The following ABHD16A variants were observed in gnomAD, a reference collection of about 807,000 sequenced individuals.
The protein encoded by ABHD16A is phosphatidylserine lipase ABHD16A.
ABHD16A carries 47 observed loss-of-function variants against 89.8 expected under a neutral mutation model. The observed-to-expected ratio is 0.52, with a 90% CI of 0.41 to 0.67. The LOEUF (loss-of-function observed/expected upper bound fraction) is 0.67. Ranked by LOEUF, ABHD16A falls within the 30% of genes least tolerant of loss-of-function variation. The pLI is 0.00. For synonymous variants in ABHD16A, 251 were observed against 280.4 expected (o/e 0.90, Z 1.05); for missense variants, 580 against 734.6 (o/e 0.79, Z 2.43).
chr6:31,689,521 C>A (rs376061336), intron 12 of ABHD16A, 60 bp downstream of exon 12: 5 of 1,474,980 alleles, frequency 3.4e-6, no homozygotes, highest in Non-Finnish European at 4.5e-6. Context: ...CCACCTCTCC[C>A]GGGTGGGGCT....
chr6:31,688,950 T>G lies in ABHD16A; in HGVS notation c.1186+65A>C, dbSNP rs898278382. The G allele has an allele frequency of 2.6e-6, 4 of 1,510,222 alleles. No homozygotes were observed. In the Admixed American group the frequency reaches 7.6e-5, roughly 29 times the overall value. 93.6% of individuals were successfully genotyped at this position (1,510,222 alleles called of 1,614,324 possible). Reference sequence around the variant, plus strand: ...CCCCACCCAAGAAAAGGGAGCCATCTCAGAACAGTTCCCAGTTCCAGCCCA... The same window carrying G: ...CCCCACCCAAGAAAAGGGAGCCATCGCAGAACAGTTCCCAGTTCCAGCCCA... On this transcript the variant is annotated intron_variant, in intron 13 of 19. Coordinates refer to ENST00000395952, the MANE Select transcript of ABHD16A (RefSeq NM_021160.3). The surrounding 1 kb of genome is among the most constrained non-coding windows in gnomAD (Gnocchi z 4.9).
rs1312410484 is a variant in ABHD16A, at chr6:31,690,533, T to A, written c.907+6A>T. 1 of 1,612,812 alleles carries A rather than the reference T, an allele frequency of 6.2e-7. No individual in the cohort carries two copies. The highest frequency in any genetic ancestry group is 1.1e-5 in the South Asian group (1 of 91,070). ...CGGAGATAAGGAGGCTGAGTCACCG[T>A]CCTACCTTCCAGGGGCGTGGAGACG... On this transcript the variant is annotated splice_donor_region_variant and intron_variant, in intron 10 of 19. Transcript: ENST00000395952. The surrounding 1 kb of genome is among the most constrained non-coding windows in gnomAD (Gnocchi z 4.1).
At chr6:31,691,984 C>A in intron 7 of ABHD16A, 66 bp from the exon 8 acceptor site, 1 of 1,293,734 alleles carries the variant, frequency 7.7e-7, no homozygotes, top group South Asian at 1.4e-5. Flanking sequence ...TGGGGACCAT[C>A]CCAGCCCTAG....
rs1803466999 is a variant in ABHD16A, at chr6:31,687,978, T to C, written c.1370+63A>G. ...CCCTGAACCTTCCTCCCTCCTTCCC[T>C]GTGCTGGTATCAGTATCTGTGTGTG... On this transcript the variant is annotated intron_variant, in intron 16 of 19. Coordinates refer to ENST00000395952, the MANE Select transcript of ABHD16A (RefSeq NM_021160.3). This position sits in a 1 kb window ranked among gnomAD's most constrained non-coding sequence, Gnocchi z 6.3. The C allele has an allele frequency of 4.3e-6, 7 of 1,612,230 alleles. No individual in the cohort carries two copies. The highest frequency in any genetic ancestry group is 5.9e-6 in the Non-Finnish European group (7 of 1,179,472).
In ABHD16A at chr6:31,688,301, G is replaced by T. The variant is rs955121480; in HGVS notation, c.1255C>A (p.Gln419Lys). The T allele has an allele frequency of 6.2e-7, 1 of 1,614,012 alleles. No homozygotes were observed. The highest frequency in any genetic ancestry group is 1.3e-5 in the African/African-American group (1 of 75,010). The change falls in exon 15 of 20, where the codon CAG (glutamine) becomes AAG (lysine). Residue 419 changes from glutamine to lysine, a missense_variant. This residue lies in a region of ABHD16A where 415 missense variants were observed against 568.8 expected (regional missense o/e 0.73). Coordinates refer to ENST00000395952, the MANE Select transcript of ABHD16A (RefSeq NM_021160.3). The surrounding 1 kb of genome is among the most constrained non-coding windows in gnomAD (Gnocchi z 4.9). Reference protein sequence around the residue: ...LNNAEQLCRYQGPVLLIRRTK... With the variant: ...LNNAEQLCRYKGPVLLIRRTK... ...CTCCGGATCAGCAGTACAGGACCCTGGTATCTTCAGAGAACAGAGCAGTGG... is the reference window on the plus strand; with the variant it reads ...CTCCGGATCAGCAGTACAGGACCCTTGTATCTTCAGAGAACAGAGCAGTGG...
rs1019732546 is a variant in ABHD16A, at chr6:31,698,452, T to C, written c.344-1419A>G. ...TATACATCAAAAAATTTAAAAAGGCTTTTATATTTTGTTCTCTGGACTTTT... is the reference window on the plus strand; with the variant it reads ...TATACATCAAAAAATTTAAAAAGGCCTTTATATTTTGTTCTCTGGACTTTT... On this transcript the variant is annotated intron_variant, in intron 4 of 19. Coordinates refer to ENST00000395952, the MANE Select transcript of ABHD16A (RefSeq NM_021160.3). The surrounding 1 kb of genome is among the most constrained non-coding windows in gnomAD (Gnocchi z 4.1). 6.6e-6 allele frequency among the ~76,000 whole-genome samples: 1 copy of C among 151,408 alleles called. No homozygotes were observed. Among genetic ancestry groups the C allele is most frequent in the Non-Finnish European group, 1.5e-5 (1 of 67,926 alleles).
chr6:31,690,374 G>T lies in ABHD16A; in HGVS notation c.907+165C>A. ...AGCTAGGGACACAGGCCAGGGGAGGGATGTAAGGTTATCAAAGCAAATGGC... is the reference window on the plus strand; with the variant it reads ...AGCTAGGGACACAGGCCAGGGGAGGTATGTAAGGTTATCAAAGCAAATGGC... On this transcript the variant is annotated intron_variant, in intron 10 of 19. Transcript: ENST00000395952. This position sits in a 1 kb window ranked among gnomAD's most constrained non-coding sequence, Gnocchi z 4.1. The T allele has an allele frequency of 1.3e-6, 1 of 768,900 alleles. No individual in the cohort carries two copies. Among genetic ancestry groups the T allele is most frequent in the Non-Finnish European group, 2.2e-6 (1 of 453,670 alleles). 47.6% of individuals were successfully genotyped at this position (768,900 alleles called of 1,614,324 possible).
intron 3 of ABHD16A, 42 bp downstream of exon 3, chr6:31,701,232 C>G: frequency 2.5e-6 from 4 of 1,577,536 alleles, no homozygotes; most frequent in Non-Finnish European, 3.5e-6. Flanking sequence ...CTGCCAACAA[C>G]CTGCCCATTT....
chr6:31,688,204 G>A lies in ABHD16A; in HGVS notation c.1307+45C>T. ...GCAGAGGTAGAAGGGACAAGTTCCT[G>A]GCCATCTCTGGGGTTCCTGAGGGCC... On this transcript the variant is annotated intron_variant, in intron 15 of 19. Coordinates refer to ENST00000395952, the MANE Select transcript of ABHD16A (RefSeq NM_021160.3). This position sits in a 1 kb window ranked among gnomAD's most constrained non-coding sequence, Gnocchi z 4.9. 6.2e-7 allele frequency: 1 copy of A among 1,609,622 alleles called. No individual in the cohort carries two copies.
intron 5 of ABHD16A, among the ~76,000 whole-genome samples, chr6:31,694,812 CAGAG>C (rs1318888116): frequency 2.6e-5 from 4 of 152,018 alleles, no homozygotes; most frequent in Admixed American, 6.6e-5. Flanking sequence ...ATTTGACTAA[CAGAG>C]AGCAATAGAA....
In ABHD16A at chr6:31,702,727, G is replaced by C. The variant is rs1177973118; in HGVS notation, c.132+423C>G. ...TGTAAAAGTCATTCTGAAATTCAAG[G>C]CGAGGGTAAAGGGAAGATAAAAACA... On this transcript the variant is annotated intron_variant, in intron 1 of 19. Coordinates refer to ENST00000395952, the MANE Select transcript of ABHD16A (RefSeq NM_021160.3). 1.9e-6 allele frequency: 3 copies of C among 1,544,038 alleles called. No individual in the cohort carries two copies. The African/African-American group carries it at 4.1e-5, about 21-fold the overall frequency.
In ABHD16A at chr6:31,696,633, C is replaced by CA. The variant is rs370598776; in HGVS notation, c.429+314dup. ...GGGCAACAAGAGCGAAACTCCATCTCAAAAAAAAAAAAAGAAAAAGAAAAA... is the reference window on the plus strand; with the variant it reads ...GGGCAACAAGAGCGAAACTCCATCTCAAAAAAAAAAAAAAGAAAAAGAAAAA... On this transcript the variant is annotated intron_variant, in intron 5 of 19. Transcript: ENST00000395952. 1.9e-3 allele frequency among the ~76,000 whole-genome samples: 200 copies of CA among 103,242 alleles called. 1 individual carries two copies. Among genetic ancestry groups the CA allele is most frequent in the Admixed American group, 5.6e-3 (53 of 9,452 alleles). The allele number at this position is 103,242 out of a possible 152,430, so 67.7% of individuals were successfully genotyped here.
chr6:31,703,281 TGGCCCC>T lies in ABHD16A; in HGVS notation c.-6_-1del, dbSNP rs1805210799. ...AGGACGCAGCTCAGCAGCTTCGCCA[TGGCCCC>T]GGCTCGGGCCGCTGCTCTTCCAGCA... On this transcript the variant is annotated 5_prime_UTR_variant, in exon 1 of 20. Transcript: ENST00000395952. 2 of 1,349,126 alleles carry T rather than the reference TGGCCCC, an allele frequency of 1.5e-6. No homozygotes were observed. Among genetic ancestry groups the T allele is most frequent in the African/African-American group, 3.0e-5 (2 of 66,530 alleles). 83.6% of individuals were successfully genotyped at this position (1,349,126 alleles called of 1,614,324 possible).
At chr6:31,692,526 C>T (rs1299096501) in intron 7 of ABHD16A, among the ~76,000 whole-genome samples, 1 of 152,176 alleles carries the variant, frequency 6.6e-6, no homozygotes, top group Admixed American at 6.5e-5. Context: ...TTGGGATTTA[C>T]CATGTGCTCT....
At position 31,687,312 on chromosome 6, in the gene ABHD16A, G is replaced by A; in HGVS notation, c.1594-17C>T. ...CTTCCGAGCCTGAGGAAAGGAGGTG[G>A]GACAGGTGGGGTACAGAGCACTGTT... is the stretch of plus-strand genomic sequence containing the variant. On this transcript the variant is annotated splice_polypyrimidine_tract_variant and intron_variant, in intron 19 of 19. Transcript: ENST00000395952. This position sits in a 1 kb window ranked among gnomAD's most constrained non-coding sequence, Gnocchi z 6.3. The A allele has an allele frequency of 1.9e-6, 3 of 1,612,204 alleles. No homozygotes were observed. The highest frequency in any genetic ancestry group is 1.1e-5 in the South Asian group (1 of 91,048).
intron 12 of ABHD16A, 119 bp from the exon 13 acceptor site, chr6:31,689,238 T>A (rs1562095078): frequency 1.0e-6 from 1 of 960,514 alleles, no homozygotes; most frequent in East Asian, 2.6e-5. Flanking sequence ...TTATCCCTTG[T>A]TTTTTTCTTA....
Position 31,688,117 on chromosome 6 carries a change from G to T in ABHD16A, c.1308-14C>A. The T allele has an allele frequency of 6.2e-7, 1 of 1,610,746 alleles. No individual in the cohort carries two copies. The highest frequency in any genetic ancestry group is 8.5e-7 in the Non-Finnish European group (1 of 1,177,942). On this transcript the variant is annotated splice_polypyrimidine_tract_variant and intron_variant, in intron 15 of 19. Coordinates refer to ENST00000395952, the MANE Select transcript of ABHD16A (RefSeq NM_021160.3). This position sits in a 1 kb window ranked among gnomAD's most constrained non-coding sequence, Gnocchi z 4.9. ...TCCTCAGGAACCCTGGGGGTGAGAAGAATGTACCCTGGAGGGGCTGGAGGT... is the reference window on the plus strand; with the variant it reads ...TCCTCAGGAACCCTGGGGGTGAGAATAATGTACCCTGGAGGGGCTGGAGGT...
At position 31,688,673 on chromosome 6, in the gene ABHD16A, G is replaced by C; in HGVS notation, c.1250+50C>G. 6.2e-7 allele frequency: 1 copy of C among 1,602,330 alleles called. No homozygotes were observed. Among genetic ancestry groups the C allele is most frequent in the South Asian group, 1.1e-5 (1 of 90,830 alleles). ...AGTTTCAGGGTTTGAGCGCCCAGCA[G>C]AGCTGTATGGGGGGCAGGTGTTCAA... On this transcript the variant is annotated intron_variant, in intron 14 of 19. Coordinates refer to ENST00000395952, the MANE Select transcript of ABHD16A (RefSeq NM_021160.3). This position sits in a 1 kb window ranked among gnomAD's most constrained non-coding sequence, Gnocchi z 4.9.
chr6:31,690,466 G>A lies in ABHD16A; in HGVS notation c.907+73C>T. ...CCAGAGAAAGCAGAGGCCAGGGGAG[G>A]TCAGGTCAGTGTGGGAGGCAGGGAC... On this transcript the variant is annotated intron_variant, in intron 10 of 19. Transcript: ENST00000395952. The surrounding 1 kb of genome is among the most constrained non-coding windows in gnomAD (Gnocchi z 4.1). 6.6e-7 allele frequency: 1 copy of A among 1,516,796 alleles called. No homozygotes were observed. Among genetic ancestry groups the A allele is most frequent in the Non-Finnish European group, 9.2e-7 (1 of 1,092,680 alleles). 94.0% of individuals were successfully genotyped at this position (1,516,796 alleles called of 1,614,324 possible). A position where few individuals can be genotyped will look rare whatever the true frequency, so the allele number is the denominator to read the frequency against.
Sources: gnomAD v4.1 joint callset for allele counts (sites outside exome capture counted in the v4.1 genomes callset) on GRCh38, gnomAD v4.1.1 for gene constraint, gnomAD v4.1.1 regional missense constraint, Gnocchi (gnomAD v3.1) non-coding constraint, MANE v1.5 for transcripts, NCBI Gene and HGNC (gene_info 2026-07-23, HGNC 2026-07-21) for gene names.